Variants in PTBP3 observed in about 807,000 individuals in gnomAD.
The protein encoded by PTBP3 is polypyrimidine tract binding protein 3.
A neutral mutation model predicts 58.7 loss-of-function variants in PTBP3; 20 were observed. The ratio of observed to expected loss-of-function variants is 0.34; its 90% CI spans 0.24 to 0.50. The LOEUF (loss-of-function observed/expected upper bound fraction) is 0.50. PTBP3 is among the 20% of genes least tolerant of loss of function. PTBP3 has a pLI of 0.98. For synonymous variants in PTBP3, 185 were observed against 219.8 expected (o/e 0.84, Z 1.40); for missense variants, 509 against 637.2 (o/e 0.80, Z 2.17).
At chr9:112,245,723 A>G (rs927297305) in intron 7 of PTBP3, among the ~76,000 whole-genome samples, 1 of 152,214 alleles carries the variant, frequency 6.6e-6, no homozygotes, top group African/African-American at 2.4e-5. Flanking sequence ...ATCTAGTGCT[A>G]GAAAGAAAGG....
chr9:112,298,039 TC>T (rs1368094913), intron 1 of PTBP3, 123 bp from the exon 2 acceptor site: 78 of 703,988 alleles, frequency 1.1e-4, no homozygotes, highest in Non-Finnish European at 1.7e-4. Flanking sequence ...AAGGGGGAAC[TC>T]CTCAAGAATC....
chr9:112,252,466 G>A (rs1396841189), intron 6 of PTBP3: 3 of 531,838 alleles, frequency 5.6e-6, no homozygotes, highest in African/African-American at 3.9e-5. Context: ...GATGTGAGAG[G>A]TGATAGGAGA....
At chr9:112,293,891 A>T (rs1828554114) in intron 2 of PTBP3, among the ~76,000 whole-genome samples, 1 of 152,248 alleles carries the variant, frequency 6.6e-6, no homozygotes, top group African/African-American at 2.4e-5. Flanking sequence ...AAACTAAGTA[A>T]GCCCCTGACT....
In PTBP3 at chr9:112,220,210, A is replaced by T; in HGVS notation, c.*3641T>A. 7.4e-7 allele frequency: 1 copy of T among 1,347,328 alleles called. No individual in the cohort carries two copies. Among genetic ancestry groups the T allele is most frequent in the South Asian group, 1.2e-5 (1 of 86,692 alleles). 83.5% of individuals were successfully genotyped at this position (1,347,328 alleles called of 1,614,324 possible). A position where few individuals can be genotyped will look rare whatever the true frequency, so the allele number is the denominator to read the frequency against. On this transcript the variant is annotated 3_prime_UTR_variant, in exon 14 of 14. Transcript: ENST00000374257. ...CAAAAATATCTCGTGGGAACAGAAG[A>T]GAAACTGCATGACAATATGCTAAAC...
chr9:112,241,282 T>G (rs1162024346), intron 7 of PTBP3, among the ~76,000 whole-genome samples: 3 of 152,150 alleles, frequency 2.0e-5, no homozygotes, highest in South Asian at 2.1e-4. Flanking sequence ...TTTTGTATTT[T>G]TAGTACAGAT....
intron 3 of PTBP3, among the ~76,000 whole-genome samples, chr9:112,268,592 G>T (rs975037085): frequency 6.6e-6 from 1 of 151,292 alleles, no homozygotes; most frequent in Non-Finnish European, 1.5e-5. Flanking sequence ...GCTACTTGGG[G>T]TGGGGGGGTG....
intron 2 of PTBP3, among the ~76,000 whole-genome samples, chr9:112,280,099 AC>A (rs1002109523): frequency 8.5e-5 from 13 of 152,060 alleles, no homozygotes; most frequent in African/African-American, 3.1e-4. Flanking sequence ...TTGCTCTGTC[AC>A]CCAGGCTGGA....
rs933134016 is a variant in PTBP3 at position 112,219,703 on chromosome 9, A to C, written c.*4148T>G. On this transcript the variant is annotated 3_prime_UTR_variant, in exon 14 of 14. Coordinates refer to ENST00000374257, the MANE Select transcript of PTBP3 (RefSeq NM_001163788.4). ...ACATTCTTTTAAAACTATATAGTAC[A>C]TATTTCCTGAAAACCAGAATACTGA... 6.5e-6 allele frequency: 1 copy of C among 152,804 alleles called. No individual in the cohort carries two copies. The highest frequency in any genetic ancestry group is 1.5e-5 in the Non-Finnish European group (1 of 68,176). The allele number at this position is 152,804 out of a possible 1,614,324, so 9.5% of individuals were successfully genotyped here.
chr9:112,319,816 T>C (rs764680100), intron 1 of PTBP3, among the ~76,000 whole-genome samples: 1 of 152,182 alleles, frequency 6.6e-6, no homozygotes, highest in Non-Finnish European at 1.5e-5. Flanking sequence ...AAATGTGGTA[T>C]ACATGTACAA....
intron 1 of PTBP3, among the ~76,000 whole-genome samples, chr9:112,316,667 C>T (rs1054133176): frequency 1.3e-5 from 2 of 152,224 alleles, no homozygotes; most frequent in Non-Finnish European, 2.9e-5. Flanking sequence ...AGGCTGGGCA[C>T]AGTGGCTCAC....
chr9:112,329,431 T>TA (rs2132484479), intron 1 of PTBP3, among the ~76,000 whole-genome samples: 1 of 151,726 alleles, frequency 6.6e-6, no homozygotes, highest in East Asian at 1.9e-4. Context: ...AAAAATCCAA[T>TA]AAATGAAAAG....
chr9:112,232,274 TA>T (rs1421180398), intron 8 of PTBP3, 36 bp from the exon 9 acceptor site: 2 of 1,523,038 alleles, frequency 1.3e-6, no homozygotes, highest in Non-Finnish European at 1.8e-6. Flanking sequence ...ATATTCTAAT[TA>T]TTTGAAGAAC....
rs557471390 is a variant in PTBP3 at position 112,218,719 on chromosome 9, G to A, written c.*5132C>T. ...CCACAGACTGTTACAAATGAAAGCTGGTACTGCTGCTTATCCAAAATATAC... is the reference window on the plus strand; with the variant it reads ...CCACAGACTGTTACAAATGAAAGCTAGTACTGCTGCTTATCCAAAATATAC... On this transcript the variant is annotated 3_prime_UTR_variant, in exon 14 of 14. Transcript: ENST00000374257. The A allele has an allele frequency of 4.6e-5, 7 of 152,582 alleles. No homozygotes were observed. The highest frequency in any genetic ancestry group is 1.0e-4 in the Non-Finnish European group (7 of 68,004). The allele number at this position is 152,582 out of a possible 1,614,324, so 9.5% of individuals were successfully genotyped here. A position where few individuals can be genotyped will look rare whatever the true frequency, so the allele number is the denominator to read the frequency against.
At chr9:112,283,812 T>C (rs1827986055) in intron 2 of PTBP3, among the ~76,000 whole-genome samples, 1 of 152,186 alleles carries the variant, frequency 6.6e-6, no homozygotes. Flanking sequence ...GCCCTGCTGC[T>C]CTGTGCAGCC....
chr9:112,282,183 T>G (rs1827899515), intron 2 of PTBP3, among the ~76,000 whole-genome samples: 1 of 152,220 alleles, frequency 6.6e-6, no homozygotes, highest in South Asian at 2.1e-4. Flanking sequence ...ATACCAATTC[T>G]GGGAGGATAC....
chr9:112,332,919 A>C, intron 1 of PTBP3: 1 of 1,560,756 alleles, frequency 6.4e-7, no homozygotes, highest in Middle Eastern at 1.9e-4. Flanking sequence ...ACCTCGGCCA[A>C]GTCCCGCGGC....
In PTBP3 at chr9:112,245,655, G is replaced by C. The variant is rs2132048775; in HGVS notation, c.802+5274C>G. Among the ~76,000 whole-genome samples, 2 of 152,222 alleles carry C rather than the reference G, an allele frequency of 1.3e-5. 1 individual carries two copies. Among genetic ancestry groups the C allele is most frequent in the South Asian group, 4.1e-4 (2 of 4,824 alleles). On this transcript the variant is annotated intron_variant, in intron 7 of 13. Transcript: ENST00000374257. ...TACCATTTTCCCCTAAAAGAAACCA[G>C]GGCTCATTGAAGAAATGGCTGATTC...
intron 1 of PTBP3, among the ~76,000 whole-genome samples, chr9:112,300,494 T>C (rs1394095201): frequency 4.6e-5 from 7 of 152,244 alleles, no homozygotes. Flanking sequence ...GGCTCACGCC[T>C]GTAATCCCAG....
At chr9:112,311,779 G>GA (rs574121575) in intron 1 of PTBP3, among the ~76,000 whole-genome samples, 49 of 151,472 alleles carry the variant, frequency 3.2e-4, no homozygotes, top group South Asian at 6.3e-4. Context: ...CCCTGTCTCT[G>GA]AAAAAAAACG....
Sources: allele counts gnomAD v4.1 joint callset (sites outside exome capture counted in the v4.1 genomes callset), GRCh38; gene constraint gnomAD v4.1.1; transcripts MANE v1.5; gene names NCBI Gene and HGNC (gene_info 2026-07-23, HGNC 2026-07-21).